The following KIF26B variants were observed in gnomAD, a reference collection of about 807,000 sequenced individuals.
The protein encoded by KIF26B is kinesin family member 26B.
KIF26B carries 63 observed loss-of-function variants against 151.2 expected under a neutral mutation model. The ratio of observed to expected loss-of-function variants is 0.42; its 90% confidence interval spans 0.34 to 0.51. The LOEUF (loss-of-function observed/expected upper bound fraction) is 0.51, where lower values mean the gene tolerates loss of function less well. Ranked by LOEUF, KIF26B falls within the 20% of genes least tolerant of loss-of-function variation. The probability of loss-of-function intolerance (pLI) is 0.07; values close to 1 mark genes in which losing one functional copy is unlikely to be tolerated. For synonymous variants in KIF26B, 1,357 were observed against 1,262.1 expected, an observed-to-expected ratio of 1.08 and a Z score of -1.59; for missense variants, 2,813 against 2,913.6, an observed-to-expected ratio of 0.97 and a Z score of 0.79.
Position 245,687,105 on chromosome 1 carries a change from C to G in KIF26B, c.4122C>G (p.Asn1374Lys). Residue 1374 changes from asparagine to lysine, a missense_variant, in exon 12 of 15, where the codon AAC becomes AAG. Around this residue, in one of 3 missense-constraint regions of KIF26B, gnomAD observed 2,060 missense variants for 2,088.6 expected, o/e 0.99. Coordinates refer to ENST00000407071, the MANE Select transcript of KIF26B (RefSeq NM_018012.4). The surrounding 1 kb of genome is among the most constrained non-coding windows in gnomAD (Gnocchi z 4.9). ...GCAAGGCCATGGTCACCATCTCCAA[C>G]ACGGCCAATCTGAGCAGCTGCGAGG... is the stretch of plus-strand genomic sequence containing the variant. Reference protein sequence around the residue: ...TVSKAMVTISNTANLSSCEGY... With the variant: ...TVSKAMVTISKTANLSSCEGY... The G allele has an allele frequency of 6.2e-7, 1 of 1,613,502 alleles. No homozygotes were observed. The highest frequency in any genetic ancestry group is 8.5e-7 in the Non-Finnish European group (1 of 1,179,854).
intron 2 of KIF26B, among the ~76,000 whole-genome samples, chr1:245,203,371 A>G (rs1669341327): frequency 6.6e-6 from 1 of 152,184 alleles, no homozygotes; most frequent in African/African-American, 2.4e-5. Flanking sequence ...GGATTCACAG[A>G]TGTTTAATAC....
At chr1:245,283,392 C>A (rs1195481385) in intron 2 of KIF26B, among the ~76,000 whole-genome samples, 2 of 152,114 alleles carry the variant, frequency 1.3e-5, no homozygotes, top group Non-Finnish European at 2.9e-5. Context: ...GAGTGTTGCC[C>A]CCTAAACCAT....
intron 4 of KIF26B, among the ~76,000 whole-genome samples, chr1:245,500,804 A>G (rs1402047939): frequency 2.0e-5 from 3 of 152,232 alleles, no homozygotes; most frequent in Non-Finnish European, 4.4e-5. Context: ...TAAGAATGTG[A>G]TGAATTAATT....
rs2042993787 is a variant in KIF26B at position 245,564,856 on chromosome 1, G to A, written c.1350+23906G>A. On this transcript the variant is annotated intron_variant, in intron 5 of 14. Coordinates refer to ENST00000407071, the MANE Select transcript of KIF26B (RefSeq NM_018012.4). This position sits in a 1 kb window ranked among gnomAD's most constrained non-coding sequence, Gnocchi z 4.6. ...TGCAACCTAGACCCCCACATGCACA[G>A]CTCACAATAGGGTTTGTGCTTCCAT... is the stretch of plus-strand genomic sequence containing the variant. Among the ~76,000 whole-genome samples, 1 of 152,162 alleles carries A rather than the reference G, an allele frequency of 6.6e-6. No individual in the cohort carries two copies.
chr1:245,229,947 A>G (rs1669957581), intron 2 of KIF26B, among the ~76,000 whole-genome samples: 1 of 152,080 alleles, frequency 6.6e-6, no homozygotes, highest in African/African-American at 2.4e-5. Flanking sequence ...AGCCTGGCCA[A>G]CATGGTAAAA....
chr1:245,432,405 GA>G (rs780471309), intron 4 of KIF26B, among the ~76,000 whole-genome samples: 16 of 152,188 alleles, frequency 1.1e-4, no homozygotes, highest in Non-Finnish European at 1.2e-4. Flanking sequence ...GTCATTTCAA[GA>G]TGAGGATTTG....
chr1:245,702,499 C>CT lies in KIF26B; in HGVS notation c.6221dup (p.Glu2075GlyfsTer68), dbSNP rs1416809557. 6.2e-7 allele frequency: 1 copy of CT among 1,613,904 alleles called. No homozygotes were observed. On this transcript the variant is annotated frameshift_variant, in exon 15 of 15. Transcript: ENST00000407071. LOFTEE classifies it high-confidence loss of function. This position sits in a 1 kb window ranked among gnomAD's most constrained non-coding sequence, Gnocchi z 4.1. Reference sequence around the variant, plus strand: ...TTGGGAGCTGGATTCCCTGGAGTACCTGGAGGCACTGGAGTGTGTGACGGA... The same window carrying CT: ...TTGGGAGCTGGATTCCCTGGAGTACCTTGGAGGCACTGGAGTGTGTGACGGA...
At chr1:245,399,783 A>C (rs1372543190) in intron 3 of KIF26B, among the ~76,000 whole-genome samples, 2 of 152,250 alleles carry the variant, frequency 1.3e-5, no homozygotes, top group African/African-American at 4.8e-5. Flanking sequence ...ACCAATATGC[A>C]TTATTAAATA....
intron 2 of KIF26B, among the ~76,000 whole-genome samples, chr1:245,264,918 G>T (rs1670714328): frequency 6.7e-6 from 1 of 150,228 alleles, no homozygotes; most frequent in Non-Finnish European, 1.5e-5. Flanking sequence ...AAAGAGCCCT[G>T]GCCAGGCACG....
chr1:245,157,404 G>GT (rs1368896315), intron 2 of KIF26B, among the ~76,000 whole-genome samples: 2 of 152,228 alleles, frequency 1.3e-5, no homozygotes, highest in African/African-American at 4.8e-5. Context: ...ACTTCAAAGA[G>GT]TTTTTATCAG....
At chr1:245,526,885 A>G (rs1157254730) in intron 4 of KIF26B, among the ~76,000 whole-genome samples, 1 of 152,268 alleles carries the variant, frequency 6.6e-6, no homozygotes, top group Non-Finnish European at 1.5e-5. Flanking sequence ...TTTTCAAAAT[A>G]AAGCTCTATT....
chr1:245,634,301 A>G (rs1279707493), intron 9 of KIF26B, among the ~76,000 whole-genome samples: 1 of 152,158 alleles, frequency 6.6e-6, no homozygotes, highest in Non-Finnish European at 1.5e-5. Context: ...CTTTCTTTCC[A>G]ATCTGGATAT....
intron 9 of KIF26B, among the ~76,000 whole-genome samples, chr1:245,624,389 G>C (rs1302287361): frequency 6.6e-6 from 1 of 152,016 alleles, no homozygotes; most frequent in African/African-American, 2.4e-5. Context: ...ATTTTATATG[G>C]GGAGTTCCCG....
intron 2 of KIF26B, among the ~76,000 whole-genome samples, chr1:245,188,167 C>G (rs554962822): frequency 1.7e-4 from 25 of 150,424 alleles, no homozygotes; most frequent in Non-Finnish European, 3.4e-4. Context: ...GTAATCCCAG[C>G]TACTTGGGAG....
intron 2 of KIF26B, among the ~76,000 whole-genome samples, chr1:245,331,892 G>A (rs569259682): frequency 2.6e-5 from 4 of 152,134 alleles, no homozygotes; most frequent in South Asian, 4.2e-4. Context: ...TTTGGGAGGC[G>A]AGGTGGGCAG....
intron 2 of KIF26B, among the ~76,000 whole-genome samples, chr1:245,290,613 G>C (rs936847239): frequency 6.6e-6 from 1 of 152,198 alleles, no homozygotes; most frequent in Non-Finnish European, 1.5e-5. Context: ...TGGCCATCTT[G>C]GTTTTGGTAG....
In KIF26B at chr1:245,183,988, A is replaced by C. The variant is rs551458300; in HGVS notation, c.465+27305A>C. Among the ~76,000 whole-genome samples the C allele has an allele frequency of 2.8e-5, 4 of 141,800 alleles. No homozygotes were observed. The South Asian group carries it at 8.9e-4, about 31-fold the overall frequency. The allele number at this position is 141,800 out of a possible 152,430, so 93.0% of individuals were successfully genotyped here. On this transcript the variant is annotated intron_variant, in intron 2 of 14. Coordinates refer to ENST00000407071, the MANE Select transcript of KIF26B (RefSeq NM_018012.4). ...TGTTTTTGACTACATTCTTGCTTTCATTGGATTTTTTCCTACATCTTGACC... is the reference window on the plus strand; with the variant it reads ...TGTTTTTGACTACATTCTTGCTTTCCTTGGATTTTTTCCTACATCTTGACC...
At chr1:245,345,694 T>C (rs975111787) in intron 2 of KIF26B, among the ~76,000 whole-genome samples, 8 of 152,054 alleles carry the variant, frequency 5.3e-5, no homozygotes, top group Admixed American at 2.0e-4. Flanking sequence ...GAGTGAGTTC[T>C]CGTGAGATCT....
chr1:245,275,395 T>C (rs1352953946), intron 2 of KIF26B, among the ~76,000 whole-genome samples: 2 of 152,192 alleles, frequency 1.3e-5, no homozygotes, highest in African/African-American at 4.8e-5. Flanking sequence ...AGTCATGAAG[T>C]CCTTGCCCAT....
Sources: allele counts gnomAD v4.1 joint callset (sites outside exome capture counted in the v4.1 genomes callset), GRCh38; gene constraint gnomAD v4.1.1; regional missense constraint gnomAD v4.1.1; non-coding constraint Gnocchi (gnomAD v3.1); transcripts MANE v1.5; gene names NCBI Gene and HGNC (gene_info 2026-07-23, HGNC 2026-07-21).